Variants in TTC7A observed in about 807,000 individuals in gnomAD.
TTC7A encodes tetratricopeptide repeat domain 7A.
A neutral mutation model predicts 103.7 loss-of-function variants in TTC7A; 110 were observed. The ratio of observed to expected loss-of-function variants is 1.06; its 90% CI spans 0.91 to 1.24. TTC7A has a LOEUF of 1.24. Ranked by LOEUF, TTC7A falls within the 50% of genes most tolerant of loss-of-function variation. The pLI is 0.00. For missense variants in TTC7A, 1,340 were observed against 1,116.3 expected, an observed-to-expected ratio of 1.20 and a Z score of -2.86; for synonymous variants, 521 against 467.9, an observed-to-expected ratio of 1.11 and a Z score of -1.47.
chr2:47,069,591 G>C (rs1404554821), intron 19 of TTC7A, among the ~76,000 whole-genome samples: 3 of 152,176 alleles, frequency 2.0e-5, no homozygotes, highest in Admixed American at 6.5e-5. Context: ...TGTGGCTTTG[G>C]AGCTGCCCTG....
chr2:46,962,404 G>A (rs1672463410), intron 3 of TTC7A, among the ~76,000 whole-genome samples: 1 of 152,112 alleles, frequency 6.6e-6, no homozygotes, highest in African/African-American at 2.4e-5. Context: ...TTCCTCCACC[G>A]AGCGTCTGAC....
At chr2:47,040,903 A>C (rs1681663520) in intron 15 of TTC7A, among the ~76,000 whole-genome samples, 1 of 152,168 alleles carries the variant, frequency 6.6e-6, no homozygotes, top group Non-Finnish European at 1.5e-5. Context: ...TTGAGTAACG[A>C]CACAGTGTGA....
In TTC7A at chr2:47,006,523, C is replaced by T. The variant is rs114117390; in HGVS notation, c.1204-118C>T. ...CAGGGTGTCTCCCAGGAGCCAAGTG[C>T]GGGCCTCCTGCAGCCTCCCAAAAGC... On this transcript the variant is annotated intron_variant, in intron 9 of 19. Transcript: ENST00000319190. 1.3e-3 allele frequency: 1,089 copies of T among 858,802 alleles called. 7 individuals carry two copies. The African/African-American group carries it at 0.016, about 13-fold the overall frequency. 53.2% of individuals were successfully genotyped at this position (858,802 alleles called of 1,614,324 possible).
At chr2:46,989,951 C>T (rs1379124782) in intron 5 of TTC7A, among the ~76,000 whole-genome samples, 1 of 152,120 alleles carries the variant, frequency 6.6e-6, no homozygotes, top group Admixed American at 6.5e-5. Context: ...AGGCTGAGCT[C>T]ATTTGGCAAT....
At chr2:47,027,083 G>GT (rs1680001941) in intron 14 of TTC7A, among the ~76,000 whole-genome samples, 1 of 152,192 alleles carries the variant, frequency 6.6e-6, no homozygotes, top group African/African-American at 2.4e-5. Context: ...CCAGCCTGCC[G>GT]TAAGTTTCTC....
chr2:47,057,375 T>G (rs986435542), intron 18 of TTC7A, among the ~76,000 whole-genome samples: 1 of 152,182 alleles, frequency 6.6e-6, no homozygotes, highest in Non-Finnish European at 1.5e-5. Context: ...GGGCGTGCTC[T>G]CTGGTGTGTG....
At chr2:46,991,514 T>C (rs905634726) in intron 5 of TTC7A, among the ~76,000 whole-genome samples, 1 of 152,112 alleles carries the variant, frequency 6.6e-6, no homozygotes, top group Non-Finnish European at 1.5e-5. Context: ...GACAAGTACT[T>C]CTAGTGACAC....
intron 11 of TTC7A, among the ~76,000 whole-genome samples, chr2:47,019,203 G>A (rs1387426299): frequency 1.3e-5 from 2 of 151,890 alleles, no homozygotes; most frequent in African/African-American, 2.4e-5. Flanking sequence ...CTATGACTCT[G>A]CATGCAAAAA....
intron 18 of TTC7A, among the ~76,000 whole-genome samples, chr2:47,053,733 G>A (rs373200870): frequency 2.6e-5 from 4 of 152,102 alleles, no homozygotes; most frequent in African/African-American, 9.7e-5. Context: ...CACCGTGCCC[G>A]GCTAATTTTT....
rs79353883 is a variant in TTC7A at position 47,033,018 on chromosome 2, A to G, written c.1802+3634A>G. 7.4e-3 allele frequency among the ~76,000 whole-genome samples: 1,127 copies of G among 152,274 alleles called. 8 individuals carry two copies. The highest frequency in any genetic ancestry group is 0.011 in the Non-Finnish European group (768 of 68,024). ...CCATTATCTCTTTGTAAGTAAGTCAATACTGTTCCCCACAGATGAAACCTC... is the reference window on the plus strand; with the variant it reads ...CCATTATCTCTTTGTAAGTAAGTCAGTACTGTTCCCCACAGATGAAACCTC... On this transcript the variant is annotated intron_variant, in intron 15 of 19. Transcript: ENST00000319190.
At chr2:47,038,629 T>TCC (rs1558612925) in intron 15 of TTC7A, among the ~76,000 whole-genome samples, 3 of 86,940 alleles carry the variant, frequency 3.5e-5, no homozygotes, top group African/African-American at 4.5e-5. Context: ...TGCTGCCACT[T>TCC]CCCACCCACC....
chr2:47,032,362 C>T (rs1300946523), intron 15 of TTC7A, among the ~76,000 whole-genome samples: 4 of 152,204 alleles, frequency 2.6e-5, no homozygotes, highest in East Asian at 1.9e-4. Context: ...GCCCCTGTCT[C>T]GGGTGCTTCC....
intron 19 of TTC7A, among the ~76,000 whole-genome samples, chr2:47,065,219 G>A (rs969204877): frequency 9.9e-5 from 15 of 152,204 alleles, no homozygotes; most frequent in Non-Finnish European, 1.8e-4. Context: ...CCTGGGAGGC[G>A]GAGCTTGCAA....
At chr2:46,954,182 G>A (rs954773922) in intron 2 of TTC7A, among the ~76,000 whole-genome samples, 2 of 152,136 alleles carry the variant, frequency 1.3e-5, no homozygotes, top group African/African-American at 4.8e-5. Flanking sequence ...TTCCTCATCC[G>A]TTCTTTCCTC....
chr2:46,979,353 T>C (rs1192058152), intron 5 of TTC7A, among the ~76,000 whole-genome samples: 3 of 152,168 alleles, frequency 2.0e-5, no homozygotes, highest in African/African-American at 7.2e-5. Flanking sequence ...TCCTGTTCAT[T>C]CCGGCTTTTA....
rs1670359608 is a variant in TTC7A at position 46,941,412 on chromosome 2, TGC to T, written c.-129_-128del. On this transcript the variant is annotated 5_prime_UTR_variant, in exon 1 of 20. Transcript: ENST00000319190. The surrounding 1 kb of genome is among the most constrained non-coding windows in gnomAD (Gnocchi z 4.2). ...CACCCTCCGCCGCCCGGGCCCCCGC[TGC>T]CGCCCGGGCCCCGGCTGCCGTCTGC... is the stretch of plus-strand genomic sequence containing the variant. 2.3e-6 allele frequency: 2 copies of T among 873,842 alleles called. No individual in the cohort carries two copies. The highest frequency in any genetic ancestry group is 2.9e-6 in the Non-Finnish European group (2 of 684,122). 54.1% of individuals were successfully genotyped at this position (873,842 alleles called of 1,614,324 possible). A position where few individuals can be genotyped will look rare whatever the true frequency, so the allele number is the denominator to read the frequency against.
At chr2:46,916,017 T>G, upstream of TTC7A, 1 of 985,396 alleles carries the variant, frequency 1.0e-6, no homozygotes, top group East Asian at 1.1e-4. Context: ...TCCACTCCAG[T>G]TGGGCCGCTG....
chr2:46,953,467 A>T (rs1671577912), intron 2 of TTC7A, among the ~76,000 whole-genome samples: 1 of 151,868 alleles, frequency 6.6e-6, no homozygotes, highest in African/African-American at 2.4e-5. Context: ...CATTTGTAGT[A>T]TTTTCTATCT....
chr2:46,968,695 A>G (rs900222155), intron 3 of TTC7A, among the ~76,000 whole-genome samples: 2 of 152,050 alleles, frequency 1.3e-5, no homozygotes, highest in Middle Eastern at 3.2e-3. Context: ...TTGAACTTTT[A>G]TTTCTCTGAA....
Sources: gnomAD v4.1 joint callset for allele counts (sites outside exome capture counted in the v4.1 genomes callset) on GRCh38, gnomAD v4.1.1 for gene constraint, Gnocchi (gnomAD v3.1) non-coding constraint, MANE v1.5 for transcripts, NCBI Gene and HGNC (gene_info 2026-07-23, HGNC 2026-07-21) for gene names.